The following ITK variants were observed in gnomAD, a reference collection of about 807,000 sequenced individuals.
ITK encodes tyrosine-protein kinase ITK/TSK.
ITK carries 45 observed loss-of-function variants against 87.6 expected under a neutral mutation model. The observed-to-expected ratio is 0.51, with a 90% confidence interval of 0.40 to 0.66. The LOEUF (loss-of-function observed/expected upper bound fraction) is 0.66. Among genes scored for constraint, ITK ranks in the 30% least tolerant of loss-of-function variants. The pLI is 0.00. For missense variants in ITK, 605 were observed against 766.3 expected, an observed-to-expected ratio of 0.79 and a Z score of 2.48; for synonymous variants, 303 against 273.6, an observed-to-expected ratio of 1.11 and a Z score of -1.06.
chr5:157,194,738 T>C (rs2113742180), intron 1 of ITK, among the ~76,000 whole-genome samples: 1 of 152,330 alleles, frequency 6.6e-6, no homozygotes, highest in Non-Finnish European at 1.5e-5. Context: ...GAAATAAGTG[T>C]TTTAAAATTT....
rs974442580 is a variant in ITK, at chr5:157,253,071, G to T, written c.*393G>T. ...TTTTAACATGAATCTAAAGTTTATG[G>T]TTCCAGGGACTTTTTATTTGACCCA... On this transcript the variant is annotated 3_prime_UTR_variant, in exon 17 of 17. Transcript: ENST00000422843. 8 of 362,992 alleles carry T rather than the reference G, an allele frequency of 2.2e-5. No homozygotes were observed. The highest frequency in any genetic ancestry group is 3.1e-5 in the Non-Finnish European group (6 of 191,066). The allele number at this position is 362,992 out of a possible 1,614,324, so 22.5% of individuals were successfully genotyped here. A position where few individuals can be genotyped will look rare whatever the true frequency, so the allele number is the denominator to read the frequency against.
At chr5:157,217,014 T>G (rs988387868) in intron 4 of ITK, among the ~76,000 whole-genome samples, 3 of 151,966 alleles carry the variant, frequency 2.0e-5, no homozygotes, top group African/African-American at 7.3e-5. Flanking sequence ...TCTTCCCATC[T>G]CTCGTTATTA....
At chr5:157,199,042 G>A (rs760739083) in intron 1 of ITK, among the ~76,000 whole-genome samples, 9 of 152,172 alleles carry the variant, frequency 5.9e-5, no homozygotes, top group African/African-American at 1.7e-4. Flanking sequence ...TGGGATTATA[G>A]GCATGAGCCA....
Position 157,238,197 on chromosome 5 carries a change from G to A in ITK, c.851+6G>A. 6.2e-7 allele frequency: 1 copy of A among 1,606,920 alleles called. No homozygotes were observed. The highest frequency in any genetic ancestry group is 8.5e-7 in the Non-Finnish European group (1 of 1,173,490). ...TTCACCAAGGCTGTTGTAAGGTATG[G>A]AGCTAACTCTGCTCAGCAAAGTGGA... On this transcript the variant is annotated splice_donor_region_variant and intron_variant, in intron 9 of 16. Coordinates refer to ENST00000422843, the MANE Select transcript of ITK (RefSeq NM_005546.4).
chr5:157,190,892 A>G (rs556810873), intron 1 of ITK, among the ~76,000 whole-genome samples: 8 of 152,324 alleles, frequency 5.3e-5, no homozygotes, highest in African/African-American at 1.7e-4. Context: ...CTTGTGGATC[A>G]TGGCAAGGAG....
intron 4 of ITK, among the ~76,000 whole-genome samples, chr5:157,217,370 C>A (rs942666998): frequency 2.0e-5 from 3 of 152,122 alleles, no homozygotes; most frequent in Admixed American, 6.5e-5. Flanking sequence ...CTTAAGGCAA[C>A]TAAAAGTGGA....
chr5:157,206,154 C>T (rs1317284176), intron 1 of ITK, among the ~76,000 whole-genome samples: 4 of 151,806 alleles, frequency 2.6e-5, no homozygotes, highest in Non-Finnish European at 5.9e-5. Flanking sequence ...AGAGTTTCAC[C>T]ACGTTTCCCA....
At position 157,192,139 on chromosome 5, in the gene ITK, G is replaced by A. The variant is rs138712042; in HGVS notation, c.138+11024G>A. On this transcript the variant is annotated intron_variant, in intron 1 of 16. Coordinates refer to ENST00000422843, the MANE Select transcript of ITK (RefSeq NM_005546.4). ...TTTAGTGAGAGAGAGGGGAAAATAC[G>A]TGATCTTTTATACATAGGTGAGATG... Among the ~76,000 whole-genome samples, 306 of 152,290 alleles carry A rather than the reference G, an allele frequency of 2.0e-3. 2 individuals are homozygous for A. Among genetic ancestry groups the A allele is most frequent in the African/African-American group, 6.8e-3 (284 of 41,564 alleles).
Position 157,222,868 on chromosome 5 carries a change from A to C in ITK, c.501A>C (p.Pro167=), listed in dbSNP as rs768405946. 2 of 1,614,012 alleles carry C rather than the reference A, an allele frequency of 1.2e-6. No individual in the cohort carries two copies. Among genetic ancestry groups the C allele is most frequent in the Non-Finnish European group, 1.7e-6 (2 of 1,179,998 alleles). ...LPPTPEDNRR[P]LWEPEETVVI... is the part of the protein sequence containing the mutation. ...TTGTTGTCTCTCTTCCCCAGCGACC[A>C]CTTTGGGAACCTGAAGAAACTGTGG... Residue 167 remains proline (P), a synonymous_variant, in exon 6 of 17, where the codon CCA becomes CCC. Coordinates refer to ENST00000422843, the MANE Select transcript of ITK (RefSeq NM_005546.4).
In ITK at chr5:157,244,408, T is replaced by C. The variant is rs772726821; in HGVS notation, c.1379T>C (p.Leu460Pro). The change falls in exon 13 of 17, where the codon CTG becomes CCG. Residue 460 changes from leucine (L) to proline (P), a missense_variant. Around this residue, in one of 3 missense-constraint regions of ITK, gnomAD observed 464 missense variants for 578.0 expected, o/e 0.80. Transcript: ENST00000422843. ...GGACTTTTTGCTGCAGAGACCCTGC[T>C]GGGCATGTGTCTGGATGTGTGTGAG... ...QRGLFAAETLLGMCLDVCEGM... is the reference protein window; with the variant it reads ...QRGLFAAETLPGMCLDVCEGM... The C allele has an allele frequency of 5.0e-6, 8 of 1,614,022 alleles. No homozygotes were observed. The highest frequency in any genetic ancestry group is 6.8e-6 in the Non-Finnish European group (8 of 1,179,896).
chr5:157,222,856 TC>T lies in ITK; in HGVS notation c.496-3del. ...CTTTGCTTGGTTTTGTTGTCTCTCT[TC>T]CCCAGCGACCACTTTGGGAACCTGA... is the stretch of plus-strand genomic sequence containing the variant. On this transcript the variant is annotated splice_polypyrimidine_tract_variant and splice_region_variant and intron_variant, in intron 5 of 16. Coordinates refer to ENST00000422843, the MANE Select transcript of ITK (RefSeq NM_005546.4). 1.2e-6 allele frequency: 2 copies of T among 1,613,950 alleles called. No individual in the cohort carries two copies. The highest frequency in any genetic ancestry group is 1.7e-6 in the Non-Finnish European group (2 of 1,179,968).
chr5:157,235,384 G>A (rs1183860387), intron 8 of ITK, among the ~76,000 whole-genome samples: 2 of 152,186 alleles, frequency 1.3e-5, no homozygotes, highest in South Asian at 2.1e-4. Context: ...GCCTTCCCTC[G>A]CCCTAGCTAT....
Position 157,222,732 on chromosome 5 carries a change from C to T in ITK, c.496-131C>T, listed in dbSNP as rs560875424. 246 of 807,836 alleles carry T rather than the reference C, an allele frequency of 3.0e-4. 1 individual carries two copies. Among genetic ancestry groups the T allele is most frequent in the South Asian group, 6.8e-4 (47 of 69,616 alleles). The allele number at this position is 807,836 out of a possible 1,614,324, so 50.0% of individuals were successfully genotyped here. The stretch of plus-strand genomic sequence containing the variant: ...ACTGATGTCTTTGTGTCATGTTCAG[C>T]GCTGTAACTCTAACTCATAAAGAAA... On this transcript the variant is annotated intron_variant, in intron 5 of 16. Transcript: ENST00000422843.
chr5:157,239,193 G>C (rs143991767), intron 9 of ITK, among the ~76,000 whole-genome samples: 110 of 152,276 alleles, frequency 7.2e-4, no homozygotes, highest in East Asian at 6.2e-3. Context: ...TCACTAGGAG[G>C]CCTTCCAGGA....
At chr5:157,184,294 G>C (rs1753598740) in intron 1 of ITK, among the ~76,000 whole-genome samples, 1 of 152,132 alleles carries the variant, frequency 6.6e-6, no homozygotes, top group South Asian at 2.1e-4. Flanking sequence ...AATTCCTTTG[G>C]TGTAAATATT....
Position 157,246,015 on chromosome 5 carries a change from GGCCCCACT to G in ITK, c.1633+23_1633+30del. ...TGGTCATTTGGTGAGTGTCATGCTG[GGCCCCACT>G]GCCCCATGATCTGGGCTTCAGGCCA... On this transcript the variant is annotated intron_variant, in intron 15 of 16. Coordinates refer to ENST00000422843, the MANE Select transcript of ITK (RefSeq NM_005546.4). 3 of 1,544,446 alleles carry G rather than the reference GGCCCCACT, an allele frequency of 1.9e-6. No homozygotes were observed. The highest frequency in any genetic ancestry group is 1.8e-6 in the Non-Finnish European group (2 of 1,116,888).
chr5:157,192,497 C>T (rs1161619352), intron 1 of ITK, among the ~76,000 whole-genome samples: 1 of 152,228 alleles, frequency 6.6e-6, no homozygotes, highest in East Asian at 1.9e-4. Flanking sequence ...CAAGGAACAA[C>T]AGGGCAGCCT....
chr5:157,247,088 C>A (rs1302399925), intron 15 of ITK, among the ~76,000 whole-genome samples: 3 of 152,076 alleles, frequency 2.0e-5, no homozygotes, highest in Non-Finnish European at 4.4e-5. Flanking sequence ...TTTTGCCATT[C>A]GGTATGAAGG....
intron 10 of ITK, 185 bp from the exon 11 acceptor site, chr5:157,241,461 C>G: frequency 1.7e-6 from 1 of 583,584 alleles, no homozygotes. Context: ...TTACCACTTG[C>G]CCATCTGTGC....
Sources: gnomAD v4.1 joint callset for allele counts (sites outside exome capture counted in the v4.1 genomes callset) on GRCh38, gnomAD v4.1.1 for gene constraint, gnomAD v4.1.1 regional missense constraint, MANE v1.5 for transcripts, NCBI Gene and HGNC (gene_info 2026-07-23, HGNC 2026-07-21) for gene names.